The following SPAG16 variants were observed in gnomAD, a reference collection of about 807,000 sequenced individuals.
SPAG16 encodes sperm-associated antigen 16 protein.
In SPAG16, 86 loss-of-function variants were observed where a neutral mutation model predicts 80.4. That is an observed-to-expected ratio of 1.07 (90% confidence interval 0.90 to 1.28). SPAG16 has a LOEUF of 1.28. Ranked by LOEUF, SPAG16 falls within the 50% of genes most tolerant of loss-of-function variation. The probability of loss-of-function intolerance (pLI) is 0.00; values close to 1 mark genes in which losing one functional copy is unlikely to be tolerated. For missense variants in SPAG16, 870 were observed against 765.3 expected (o/e 1.14, Z -1.61); for synonymous variants, 294 against 265.9 (o/e 1.11, Z -1.03).
At chr2:213,736,295 T>A (rs1242300037) in intron 10 of SPAG16, among the ~76,000 whole-genome samples, 2 of 151,560 alleles carry the variant, frequency 1.3e-5, no homozygotes, top group African/African-American at 2.4e-5. Context: ...TAGGTTCAGA[T>A]TTTTTTTTCT....
intron 13 of SPAG16, among the ~76,000 whole-genome samples, chr2:214,078,972 C>A (rs1398544559): frequency 1.3e-5 from 2 of 152,104 alleles, no homozygotes; most frequent in African/African-American, 4.8e-5. Context: ...AAGGCAGCAA[C>A]AACCAACGAG....
At chr2:213,836,696 C>G (rs1056072564) in intron 10 of SPAG16, among the ~76,000 whole-genome samples, 3 of 152,184 alleles carry the variant, frequency 2.0e-5, no homozygotes, top group East Asian at 1.9e-4. Context: ...CCTGCAACCT[C>G]TGCCTCCCAG....
At chr2:214,258,490 T>TATATATATATATAC (rs771803590) in intron 15 of SPAG16, among the ~76,000 whole-genome samples, 2 of 147,394 alleles carry the variant, frequency 1.4e-5, no homozygotes, top group African/African-American at 2.6e-5. Context: ...TATATATATA[T>TATATATATATATAC]ACACACACAC....
chr2:214,232,643 C>T (rs1017505775), intron 15 of SPAG16, among the ~76,000 whole-genome samples: 2 of 151,922 alleles, frequency 1.3e-5, no homozygotes, highest in African/African-American at 2.4e-5. Flanking sequence ...GTGCCAAATG[C>T]ATGTTTGGAC....
At chr2:214,212,248 T>G (rs1356815610) in intron 15 of SPAG16, among the ~76,000 whole-genome samples, 1 of 152,244 alleles carries the variant, frequency 6.6e-6, no homozygotes, top group East Asian at 1.9e-4. Flanking sequence ...AAGCTTTCCC[T>G]GATTTTGTCT....
chr2:213,833,567 A>ATATATATAT lies in SPAG16; in HGVS notation c.1071-28917_1071-28909dup, dbSNP rs2073904509. On this transcript the variant is annotated intron_variant, in intron 10 of 15. Transcript: ENST00000331683. ...ATATATAATATATATAATATATATAATATATATATAATATATATATTATAT... is the reference window on the plus strand; with the variant it reads ...ATATATAATATATATAATATATATAATATATATATTATATATATAATATATATATTATAT... Among the ~76,000 whole-genome samples the ATATATATAT allele has an allele frequency of 4.5e-3, 17 of 3,794 alleles. 3 individuals carry two copies. Among genetic ancestry groups the ATATATATAT allele is most frequent in the African/African-American group, 0.028 (17 of 602 alleles). 2.5% of individuals were successfully genotyped at this position (3,794 alleles called of 152,430 possible).
At chr2:213,761,631 G>A (rs1326828372) in intron 10 of SPAG16, among the ~76,000 whole-genome samples, 1 of 152,158 alleles carries the variant, frequency 6.6e-6, no homozygotes, top group Non-Finnish European at 1.5e-5. Context: ...GGAGGCTGAG[G>A]CAGGTGGATC....
intron 15 of SPAG16, among the ~76,000 whole-genome samples, chr2:214,155,927 A>G (rs925268166): frequency 6.6e-6 from 1 of 152,142 alleles, no homozygotes; most frequent in Admixed American, 6.6e-5. Context: ...TGGAGTTGAA[A>G]TTCAAATCCA....
chr2:214,301,028 TATAATAATAATAATAATAATA>T (rs71037363), intron 15 of SPAG16, among the ~76,000 whole-genome samples: 1 of 141,856 alleles, frequency 7.0e-6, no homozygotes, highest in East Asian at 2.0e-4. Context: ...AAACTTAAAG[TATAATAATAATAATAATAATA>T]ATAATAATAA....
chr2:214,403,252 C>A (rs571155006), intron 15 of SPAG16, among the ~76,000 whole-genome samples: 4 of 150,954 alleles, frequency 2.6e-5, no homozygotes. Context: ...ATGTGATATA[C>A]TATGATAATA....
intron 10 of SPAG16, among the ~76,000 whole-genome samples, chr2:213,829,410 G>A (rs1344619193): frequency 6.6e-6 from 1 of 151,976 alleles, no homozygotes; most frequent in Non-Finnish European, 1.5e-5. Context: ...GCTCCCTGTT[G>A]CCCCTGGTAG....
rs570119097 is a variant in SPAG16, at chr2:213,890,975, T to C, written c.1214+28347T>C. Among the ~76,000 whole-genome samples, 256 of 152,164 alleles carry C rather than the reference T, an allele frequency of 1.7e-3. 1 individual carries two copies. The highest frequency in any genetic ancestry group is 5.9e-3 in the African/African-American group (245 of 41,568). ...AACACTTGATTAATATTCAATCACT[T>C]TTTTAATGTTATTTTAAAATCATGT... On this transcript the variant is annotated intron_variant, in intron 11 of 15. Coordinates refer to ENST00000331683, the MANE Select transcript of SPAG16 (RefSeq NM_024532.5).
At chr2:213,385,692 A>G (rs565274905) in intron 9 of SPAG16, among the ~76,000 whole-genome samples, 1 of 152,202 alleles carries the variant, frequency 6.6e-6, no homozygotes, top group Admixed American at 6.5e-5. Context: ...GCTCGTCTCT[A>G]AAAGGGAGAA....
chr2:214,192,786 T>C (rs1183155583), intron 15 of SPAG16, among the ~76,000 whole-genome samples: 1 of 152,130 alleles, frequency 6.6e-6, no homozygotes, highest in Non-Finnish European at 1.5e-5. Context: ...ATTGTGCCCA[T>C]ATATGATTAT....
chr2:214,351,305 CATATT>C (rs367815948), intron 15 of SPAG16, among the ~76,000 whole-genome samples: 279 of 152,178 alleles, frequency 1.8e-3, no homozygotes, highest in African/African-American at 4.9e-3. Context: ...TCACTTCTGT[CATATT>C]ATATCCATAT....
intron 13 of SPAG16, among the ~76,000 whole-genome samples, chr2:214,060,114 G>C (rs146542802): frequency 2.0e-5 from 3 of 152,172 alleles, no homozygotes; most frequent in African/African-American, 7.2e-5. Flanking sequence ...CACAAAGCCA[G>C]TGTGCCCTCT....
At chr2:213,357,897 G>T (rs1485584565) in intron 7 of SPAG16, among the ~76,000 whole-genome samples, 1 of 152,206 alleles carries the variant, frequency 6.6e-6, no homozygotes, top group East Asian at 1.9e-4. Context: ...GCTGGTACTG[G>T]TTGTTCCTTT....
intron 15 of SPAG16, among the ~76,000 whole-genome samples, chr2:214,269,102 T>C (rs1170886299): frequency 6.6e-6 from 1 of 152,018 alleles, no homozygotes; most frequent in Admixed American, 6.5e-5. Flanking sequence ...ATGGTGGACA[T>C]TTATGTCCTT....
intron 13 of SPAG16, among the ~76,000 whole-genome samples, chr2:214,056,099 A>G (rs2049924999): frequency 6.6e-6 from 1 of 152,152 alleles, no homozygotes; most frequent in African/African-American, 2.4e-5. Context: ...TGGCAAGTAA[A>G]GACAGGAAGC....
Sources: allele counts gnomAD v4.1 joint callset (sites outside exome capture counted in the v4.1 genomes callset), GRCh38; gene constraint gnomAD v4.1.1; transcripts MANE v1.5; gene names NCBI Gene and HGNC (gene_info 2026-07-23, HGNC 2026-07-21).